The following PTCHD4 variants were observed in gnomAD, a reference collection of about 807,000 sequenced individuals.
PTCHD4 encodes the protein patched domain-containing protein 4.
Under a neutral mutation model 58.1 loss-of-function variants are expected in PTCHD4, and 33 were observed. That is an observed-to-expected ratio of 0.57 (90% CI 0.43 to 0.76). The LOEUF is 0.76. Ranked by LOEUF, PTCHD4 falls within the 30% of genes least tolerant of loss-of-function variation. The pLI is 0.00. For missense variants in PTCHD4, 1,058 were observed against 1,027.1 expected (o/e 1.03, Z -0.41); for synonymous variants, 478 against 409.6 (o/e 1.17, Z -2.02).
intron 3 of PTCHD4, among the ~76,000 whole-genome samples, chr6:48,028,524 CAA>C (rs1032228357): frequency 4.7e-4 from 71 of 152,110 alleles, no homozygotes; most frequent in African/African-American, 1.7e-3. Flanking sequence ...ATTTTAAAGA[CAA>C]TATCAAAAGT....
intron 4 of PTCHD4, among the ~76,000 whole-genome samples, chr6:47,976,448 T>C (rs1767692474): frequency 6.6e-6 from 1 of 151,774 alleles, no homozygotes; most frequent in Non-Finnish European, 1.5e-5. Context: ...AGGTCAGGAG[T>C]TCCAGACCAG....
chr6:47,936,476 C>T (rs1766003393), intron 4 of PTCHD4, among the ~76,000 whole-genome samples: 1 of 152,234 alleles, frequency 6.6e-6, no homozygotes, highest in African/African-American at 2.4e-5. Context: ...CCATGACTCT[C>T]TCTTGATTGA....
intron 4 of PTCHD4, among the ~76,000 whole-genome samples, chr6:47,933,002 C>T (rs147944013): frequency 1.3e-3 from 199 of 152,272 alleles, no homozygotes; most frequent in Non-Finnish European, 2.4e-3. Context: ...AAAGATGACA[C>T]ATAATGTAGG....
Position 47,878,722 on chromosome 6 carries a change from C to T in PTCHD4, c.2113G>A (p.Val705Ile). The T allele has an allele frequency of 1.2e-6, 2 of 1,613,554 alleles. No homozygotes were observed. Among genetic ancestry groups the T allele is most frequent in the Non-Finnish European group, 1.7e-6 (2 of 1,179,746 alleles). The change falls in exon 5 of 5, where the codon GTC (valine) becomes ATC (isoleucine). Residue 705 changes from valine to isoleucine, a missense_variant. Transcript: ENST00000339488. ...AAGATAGAAATGCAATCCATGTCGACGTTCCATAATGTCATTAAGCCCAGA... is the reference window on the plus strand; with the variant it reads ...AAGATAGAAATGCAATCCATGTCGATGTTCCATAATGTCATTAAGCCCAGA... ...GVLGLMTLWN[V>I]DMDCISILCL...
chr6:47,996,155 G>C (rs1768478032), intron 4 of PTCHD4, among the ~76,000 whole-genome samples: 1 of 152,040 alleles, frequency 6.6e-6, no homozygotes, highest in African/African-American at 2.4e-5. Context: ...AATATTTAGA[G>C]CAAAGTGCAT....
intron 4 of PTCHD4, among the ~76,000 whole-genome samples, chr6:47,898,582 A>G (rs565380721): frequency 8.5e-5 from 13 of 152,248 alleles, no homozygotes; most frequent in African/African-American, 2.9e-4. Flanking sequence ...TACCACTCAC[A>G]TTTTTTCAAG....
chr6:47,990,720 T>C (rs1055501341), intron 4 of PTCHD4, among the ~76,000 whole-genome samples: 4 of 152,158 alleles, frequency 2.6e-5, no homozygotes, highest in African/African-American at 9.7e-5. Flanking sequence ...AGTATGAAAA[T>C]GGACTAATAC....
chr6:47,885,244 G>A (rs1486174629), intron 4 of PTCHD4, among the ~76,000 whole-genome samples: 1 of 152,082 alleles, frequency 6.6e-6, no homozygotes, highest in Admixed American at 6.6e-5. Flanking sequence ...AAAATTCAAG[G>A]AGGGAGATGA....
At position 47,875,548 on chromosome 6, in the gene PTCHD4, A is replaced by C. The variant is rs933129007; in HGVS notation, c.*2755T>G. On this transcript the variant is annotated 3_prime_UTR_variant, in exon 5 of 5. Coordinates refer to ENST00000339488, the MANE Select transcript of PTCHD4 (RefSeq NM_001384253.1). ...AATTCCATTTCAGTAAATTATTGCT[A>C]CAGTTCTCTAAAGAGTACTACGGTG... Among the ~76,000 whole-genome samples, 4 of 151,830 alleles carry C rather than the reference A, an allele frequency of 2.6e-5. No individual in the cohort carries two copies. The highest frequency in any genetic ancestry group is 9.7e-5 in the African/African-American group (4 of 41,396).
intron 4 of PTCHD4, among the ~76,000 whole-genome samples, chr6:47,947,120 C>T (rs959137658): frequency 3.3e-5 from 5 of 152,114 alleles, no homozygotes; most frequent in African/African-American, 1.2e-4. Context: ...CAGGTGTGAG[C>T]TACCATGCTT....
chr6:47,990,115 A>G (rs942182507), intron 4 of PTCHD4, among the ~76,000 whole-genome samples: 3 of 151,958 alleles, frequency 2.0e-5, no homozygotes, highest in South Asian at 2.1e-4. Context: ...TGGATTTCAG[A>G]CCCCTTTGTT....
At chr6:47,896,144 G>A (rs887876830) in intron 4 of PTCHD4, among the ~76,000 whole-genome samples, 1 of 152,204 alleles carries the variant, frequency 6.6e-6, no homozygotes, top group Non-Finnish European at 1.5e-5. Flanking sequence ...AGATGGCAGA[G>A]AGATGAACAT....
intron 3 of PTCHD4, among the ~76,000 whole-genome samples, chr6:48,021,458 G>T (rs371812422): frequency 6.6e-6 from 1 of 151,970 alleles, no homozygotes. Flanking sequence ...GCCCACATAA[G>T]GTTCTTTTTA....
At chr6:48,030,516 A>G (rs1357943362) in intron 3 of PTCHD4, among the ~76,000 whole-genome samples, 1 of 152,110 alleles carries the variant, frequency 6.6e-6, no homozygotes, top group Non-Finnish European at 1.5e-5. Context: ...GGATTTTGCA[A>G]GCTGAAGCTG....
At position 48,062,517 on chromosome 6, in the gene PTCHD4, A is replaced by T. The variant is rs545900696; in HGVS notation, c.417+5713T>A. Among the ~76,000 whole-genome samples the T allele has an allele frequency of 1.3e-3, 194 of 152,286 alleles. 6 individuals carry two copies. The South Asian group carries it at 0.039, about 31-fold the overall frequency. On this transcript the variant is annotated intron_variant, in intron 3 of 4. Coordinates refer to ENST00000339488, the MANE Select transcript of PTCHD4 (RefSeq NM_001384253.1). ...GACTTAGGAAAATAAAAGGAAGCTT[A>T]AAAAAGTACTTATGAAAAATTTACA...
At position 47,871,564 on chromosome 6, in the gene PTCHD4, T is replaced by C. The variant is rs1763714259; in HGVS notation, c.*6739A>G. ...GATTTCATATTAATGAATATTATGT[T>C]AACCAGAATGTATAAGTGGGACTGC... On this transcript the variant is annotated 3_prime_UTR_variant, in exon 5 of 5. Transcript: ENST00000339488. 6.6e-6 allele frequency among the ~76,000 whole-genome samples: 1 copy of C among 151,664 alleles called. No homozygotes were observed.
chr6:47,999,116 T>C (rs1209870115), intron 4 of PTCHD4, among the ~76,000 whole-genome samples: 4 of 152,152 alleles, frequency 2.6e-5, no homozygotes, highest in Non-Finnish European at 5.9e-5. Flanking sequence ...GAGTGTCAAA[T>C]AAATGATTCA....
chr6:48,078,667 C>CT (rs1471558011), intron 1 of PTCHD4, among the ~76,000 whole-genome samples: 1 of 151,862 alleles, frequency 6.6e-6, no homozygotes, highest in Non-Finnish European at 1.5e-5. Context: ...TTCTTCCTTC[C>CT]TTTTTTCATT....
At chr6:47,971,591 G>A (rs946415445) in intron 4 of PTCHD4, among the ~76,000 whole-genome samples, 12 of 152,182 alleles carry the variant, frequency 7.9e-5, no homozygotes, top group African/African-American at 2.9e-4. Context: ...ATTTCAGAAA[G>A]AAGTTTCTAA....
Sources: allele counts gnomAD v4.1 joint callset (sites outside exome capture counted in the v4.1 genomes callset), GRCh38; gene constraint gnomAD v4.1.1; transcripts MANE v1.5; gene names NCBI Gene and HGNC (gene_info 2026-07-23, HGNC 2026-07-21).